The following FBXW7 variants were observed in gnomAD, a reference collection of about 807,000 sequenced individuals.
FBXW7 encodes F-box and WD repeat domain containing 7.
FBXW7 carries 11 observed loss-of-function variants against 86.3 expected under a neutral mutation model. That is an observed-to-expected ratio of 0.13 (90% CI 0.08 to 0.21). The LOEUF (loss-of-function observed/expected upper bound fraction) is 0.21, where lower values mean the gene tolerates loss of function less well. FBXW7 is among the 10% of genes least tolerant of loss of function. The probability of loss-of-function intolerance (pLI) is 1.00; values close to 1 mark genes in which losing one functional copy is unlikely to be tolerated. For synonymous variants in FBXW7, 313 were observed against 297.9 expected (o/e 1.05, Z -0.52); for missense variants, 488 against 847.4 (o/e 0.58, Z 5.27).
chr4:152,357,903 G>A (rs972690930), intron 4 of FBXW7, among the ~76,000 whole-genome samples: 4 of 152,002 alleles, frequency 2.6e-5, no homozygotes, highest in South Asian at 2.1e-4. Context: ...GGTTTTATTC[G>A]CTCCTCTAAA....
intron 2 of FBXW7, among the ~76,000 whole-genome samples, chr4:152,422,575 T>C (rs1410557180): frequency 2.6e-5 from 4 of 152,226 alleles, no homozygotes; most frequent in Non-Finnish European, 4.4e-5. Context: ...TATATTAGAT[T>C]AGCAAATCTA....
In FBXW7 at chr4:152,535,221, T is replaced by G; in HGVS notation, c.-307A>C. On this transcript the variant is annotated 5_prime_UTR_variant, in exon 1 of 14. Transcript: ENST00000281708. ...ACAGTCAGGTTTGGGAGACTCCGGA[T>G]TTTGTTTTTGTAAAGTTTCCTCTGG... The G allele has an allele frequency of 4.5e-4, 76 of 167,522 alleles. No homozygotes were observed. The highest frequency in any genetic ancestry group is 2.5e-3 in the Middle Eastern group (1 of 406). 10.4% of individuals were successfully genotyped at this position (167,522 alleles called of 1,614,324 possible).
chr4:152,389,111 A>AT (rs1735782925), intron 4 of FBXW7, among the ~76,000 whole-genome samples: 1 of 152,118 alleles, frequency 6.6e-6, no homozygotes, highest in South Asian at 2.1e-4. Context: ...CAGAATGGCT[A>AT]TTATTAAAAA....
chr4:152,463,180 T>C (rs1967047), intron 2 of FBXW7, among the ~76,000 whole-genome samples: 1 of 151,552 alleles, frequency 6.6e-6, no homozygotes, highest in Non-Finnish European at 1.5e-5. Flanking sequence ...CCCAGCTACT[T>C]GGAGGCTGAC....
intron 4 of FBXW7, among the ~76,000 whole-genome samples, chr4:152,405,489 T>C (rs544740990): frequency 6.6e-5 from 10 of 152,132 alleles, no homozygotes; most frequent in Non-Finnish European, 1.5e-4. Flanking sequence ...ACATTCTCAT[T>C]TAGGTTTGGC....
chr4:152,419,584 C>T (rs1367778183), intron 2 of FBXW7, among the ~76,000 whole-genome samples: 1 of 149,682 alleles, frequency 6.7e-6, no homozygotes, highest in African/African-American at 2.5e-5. Flanking sequence ...CCTTCTGTAA[C>T]GACTTTCACT....
intron 4 of FBXW7, among the ~76,000 whole-genome samples, chr4:152,380,862 TATAAG>T (rs543690936): frequency 2.6e-4 from 40 of 152,002 alleles, no homozygotes; most frequent in Non-Finnish European, 5.2e-4. Flanking sequence ...TTTACAGGGG[TATAAG>T]ATAATAAATT....
intron 2 of FBXW7, among the ~76,000 whole-genome samples, chr4:152,425,374 C>T (rs1376762763): frequency 2.0e-5 from 3 of 152,166 alleles, no homozygotes; most frequent in Non-Finnish European, 2.9e-5. Flanking sequence ...TAATTATTCC[C>T]GTTTGTAAGG....
At chr4:152,425,993 A>G (rs1417471445) in intron 2 of FBXW7, among the ~76,000 whole-genome samples, 3 of 152,122 alleles carry the variant, frequency 2.0e-5, no homozygotes, top group Non-Finnish European at 4.4e-5. Context: ...CCCTGCCTAC[A>G]CCCCAAGAAT....
chr4:152,401,356 C>T (rs1736908154), intron 4 of FBXW7, among the ~76,000 whole-genome samples: 2 of 152,060 alleles, frequency 1.3e-5, no homozygotes, highest in Admixed American at 1.3e-4. Context: ...TTATTCAGTG[C>T]TAGAAGGAAA....
chr4:152,473,977 CA>C (rs1744182099), intron 2 of FBXW7, among the ~76,000 whole-genome samples: 1 of 152,060 alleles, frequency 6.6e-6, no homozygotes, highest in South Asian at 2.1e-4. Flanking sequence ...GAAACCTCCC[CA>C]GGGGTCACAT....
At chr4:152,504,908 A>G (rs771765234) in intron 2 of FBXW7, among the ~76,000 whole-genome samples, 27 of 152,150 alleles carry the variant, frequency 1.8e-4, no homozygotes, top group Non-Finnish European at 2.8e-4. Context: ...TACATTAATA[A>G]GGGTATTGCA....
At chr4:152,364,174 T>C (rs1188127808) in intron 4 of FBXW7, among the ~76,000 whole-genome samples, 1 of 152,162 alleles carries the variant, frequency 6.6e-6, no homozygotes, top group African/African-American at 2.4e-5. Flanking sequence ...ACTGCTCTTA[T>C]AATCTGTGAC....
At chr4:152,491,054 A>G (rs1745799309) in intron 2 of FBXW7, among the ~76,000 whole-genome samples, 2 of 152,158 alleles carry the variant, frequency 1.3e-5, no homozygotes, top group African/African-American at 4.8e-5. Context: ...ATAAGGAAGA[A>G]GCATAATAAA....
At chr4:152,470,306 G>C (rs961989210) in intron 2 of FBXW7, among the ~76,000 whole-genome samples, 1 of 151,920 alleles carries the variant, frequency 6.6e-6, no homozygotes, top group Non-Finnish European at 1.5e-5. Context: ...TCAAGACCAC[G>C]GCATGCTAAC....
rs557774857 is a variant in FBXW7, at chr4:152,529,559, T to A, written c.-120+5382A>T. On this transcript the variant is annotated intron_variant, in intron 2 of 13. Transcript: ENST00000281708. ...AAACTAAATATACCATCATCCAATG[T>A]TGGTATCTGCTGACATATGAAACAA... Among the ~76,000 whole-genome samples the A allele has an allele frequency of 2.6e-5, 4 of 152,304 alleles. No individual in the cohort carries two copies. The East Asian group carries it at 7.7e-4, about 29-fold the overall frequency.
chr4:152,347,510 C>T (rs537047596), intron 5 of FBXW7, among the ~76,000 whole-genome samples: 31 of 152,190 alleles, frequency 2.0e-4, no homozygotes, highest in African/African-American at 7.2e-4. Context: ...CATAGAAATA[C>T]TATGTTCAAA....
chr4:152,493,588 G>A (rs1252345291), intron 2 of FBXW7, among the ~76,000 whole-genome samples: 3 of 152,140 alleles, frequency 2.0e-5, no homozygotes, highest in Admixed American at 6.5e-5. Context: ...TTTGGATATA[G>A]GGCCTTTAGA....
At chr4:152,502,802 G>T (rs1747077196) in intron 2 of FBXW7, among the ~76,000 whole-genome samples, 1 of 152,036 alleles carries the variant, frequency 6.6e-6, no homozygotes, top group African/African-American at 2.4e-5. Context: ...GCTATTTCTT[G>T]GGTTTTAAAG....
Sources: allele counts gnomAD v4.1 joint callset (sites outside exome capture counted in the v4.1 genomes callset), GRCh38; gene constraint gnomAD v4.1.1; transcripts MANE v1.5; gene names NCBI Gene and HGNC (gene_info 2026-07-23, HGNC 2026-07-21).